HUNK: variants seen among roughly 807,000 people sequenced by gnomAD.
HUNK encodes the protein hormonally up-regulated Neu-associated kinase.
In HUNK, 21 loss-of-function variants were observed where a neutral mutation model predicts 61.0. The ratio of observed to expected loss-of-function variants is 0.34; its 90% CI spans 0.24 to 0.50. The LOEUF (loss-of-function observed/expected upper bound fraction) is 0.50, where lower values mean the gene tolerates loss of function less well. Among genes scored for constraint, HUNK ranks in the 20% least tolerant of loss-of-function variants. HUNK has a pLI of 0.98. For missense variants in HUNK, 772 were observed against 945.7 expected, an observed-to-expected ratio of 0.82 and a Z score of 2.41; for synonymous variants, 371 against 386.1, an observed-to-expected ratio of 0.96 and a Z score of 0.46.
chr21:31,911,317 C>T (rs2052544138), intron 1 of HUNK, among the ~76,000 whole-genome samples: 1 of 152,094 alleles, frequency 6.6e-6, no homozygotes, highest in African/African-American at 2.4e-5. Flanking sequence ...AACAAATAGC[C>T]TCGGGGCACA....
chr21:32,001,118 C>CA lies in HUNK; in HGVS notation c.*1943dup, dbSNP rs11446165. ...GAAAGCCCGTCTCTACCGAAAAATA[C>CA]AAAAAAAAATAGCTGGGTGTGGTGG... On this transcript the variant is annotated 3_prime_UTR_variant, in exon 11 of 11. Transcript: ENST00000270112. 63,921 of 152,754 alleles carry CA rather than the reference C, an allele frequency of 0.42. 13,738 individuals are homozygous for CA. The highest frequency in any genetic ancestry group is 0.51 in the African/African-American group (20,879 of 40,722). 9.5% of individuals were successfully genotyped at this position (152,754 alleles called of 1,614,324 possible).
At chr21:31,991,214 C>CA (rs1020945000) in intron 9 of HUNK, among the ~76,000 whole-genome samples, 1 of 151,952 alleles carries the variant, frequency 6.6e-6, no homozygotes, top group African/African-American at 2.4e-5. Context: ...AATTTATGAA[C>CA]AAAACCCCAC....
intron 1 of HUNK, among the ~76,000 whole-genome samples, chr21:31,897,962 G>T (rs910413366): frequency 2.0e-5 from 3 of 152,168 alleles, no homozygotes; most frequent in Non-Finnish European, 4.4e-5. Context: ...TTGGGCTTAT[G>T]GTTCATTGGC....
chr21:31,958,537 G>A (rs921639189), intron 4 of HUNK, among the ~76,000 whole-genome samples: 8 of 152,048 alleles, frequency 5.3e-5, no homozygotes, highest in African/African-American at 1.7e-4. Context: ...GCACAGCAGC[G>A]AGATAGTGGT....
chr21:31,953,312 A>G lies in HUNK; in HGVS notation c.747-5531A>G, dbSNP rs536933842. On this transcript the variant is annotated intron_variant, in intron 4 of 10. Transcript: ENST00000270112. ...GGCAATGGCGCAATCTCTGCTTACC[A>G]CAACCTCCAACTCCCGGGTTCAAGA... 8.1e-5 allele frequency among the ~76,000 whole-genome samples: 12 copies of G among 148,390 alleles called. No homozygotes were observed. The East Asian group carries it at 2.4e-3, about 30-fold the overall frequency.
rs779221441 is a variant in HUNK at position 31,995,872 on chromosome 21, G to A, written c.1410G>A (p.Ser470=). 7.4e-6 allele frequency: 12 copies of A among 1,614,012 alleles called. No individual in the cohort carries two copies. Among genetic ancestry groups the A allele is most frequent in the East Asian group, 2.2e-5 (1 of 44,878 alleles). Residue 470 remains serine (S), a synonymous_variant, in exon 10 of 11, where the codon TCG becomes TCA. Coordinates refer to ENST00000270112, the MANE Select transcript of HUNK (RefSeq NM_014586.2). ...CCTCGCACAAACAGCCCTCAGGCTCGCTTATGACACAGATTCAGAACACCA... is the reference window on the plus strand; with the variant it reads ...CCTCGCACAAACAGCCCTCAGGCTCACTTATGACACAGATTCAGAACACCA... ...NLPSHKQPSG[S]LMTQIQNTKA... is the part of the protein sequence containing the mutation.
chr21:31,914,397 A>T (rs1039369496), intron 1 of HUNK, among the ~76,000 whole-genome samples: 8 of 119,608 alleles, frequency 6.7e-5, no homozygotes, highest in South Asian at 3.2e-4. Context: ...AACAAGAGTG[A>T]AACTCTGTCT....
chr21:31,888,646 A>G (rs1433974789), intron 1 of HUNK, among the ~76,000 whole-genome samples: 1 of 152,196 alleles, frequency 6.6e-6, no homozygotes, highest in Non-Finnish European at 1.5e-5. Context: ...AGGCTGAGGC[A>G]GGAGAATCGC....
chr21:31,876,642 G>A (rs116792491), intron 1 of HUNK, among the ~76,000 whole-genome samples: 4,838 of 152,158 alleles, frequency 0.032, 281 homozygotes, highest in African/African-American at 0.11. Flanking sequence ...ATTTTGGCCT[G>A]GGGAAAGTTT....
At chr21:31,959,074 A>G in intron 5 of HUNK, 104 bp downstream of exon 5, 1 of 1,174,568 alleles carries the variant, frequency 8.5e-7, no homozygotes, top group Non-Finnish European at 1.1e-6. Flanking sequence ...TGTTATGTCT[A>G]TCCCATGGTT....
At chr21:31,997,463 G>T (rs2053213669) in intron 10 of HUNK, among the ~76,000 whole-genome samples, 1 of 152,202 alleles carries the variant, frequency 6.6e-6, no homozygotes, top group Non-Finnish European at 1.5e-5. Flanking sequence ...AGGACATTAT[G>T]CTAAGTGAAT....
At chr21:31,911,935 GTCA>G (rs2052548551) in intron 1 of HUNK, among the ~76,000 whole-genome samples, 2 of 134 alleles carry the variant, frequency 0.015, no homozygotes, top group African/African-American at 0.045. Context: ...AGGGACGATA[GTCA>G]CTGCCTTGGG....
intron 1 of HUNK, among the ~76,000 whole-genome samples, chr21:31,876,106 T>C (rs964596811): frequency 4.6e-5 from 7 of 152,222 alleles, no homozygotes; most frequent in African/African-American, 1.7e-4. Flanking sequence ...TCCCATCTTA[T>C]GTTTCTTAAA....
intron 1 of HUNK, among the ~76,000 whole-genome samples, chr21:31,914,810 C>T (rs2052570811): frequency 6.6e-6 from 1 of 152,170 alleles, no homozygotes; most frequent in African/African-American, 2.4e-5. Flanking sequence ...TAGAGCCCCA[C>T]TCTAATGACC....
At position 31,933,279 on chromosome 21, in the gene HUNK, G is replaced by A. The variant is rs377291337; in HGVS notation, c.555-6886G>A. Among the ~76,000 whole-genome samples, 30 of 152,192 alleles carry A rather than the reference G, an allele frequency of 2.0e-4. No individual in the cohort carries two copies. In the East Asian group the frequency reaches 2.5e-3, roughly 13 times the overall value. On this transcript the variant is annotated intron_variant, in intron 2 of 10. Coordinates refer to ENST00000270112, the MANE Select transcript of HUNK (RefSeq NM_014586.2). ...TGCTTCTCCTAGCTCCTCTTTGAAG[G>A]CCCATTGGCCAAGAAAAAGCAACTT...
intron 6 of HUNK, 146 bp downstream of exon 6, chr21:31,968,531 C>T: frequency 2.3e-6 from 2 of 870,686 alleles, no homozygotes; most frequent in Non-Finnish European, 3.5e-6. Context: ...AACACCCACA[C>T]CCACACATCC....
chr21:32,001,302 G>A lies in HUNK; in HGVS notation c.*2118G>A, dbSNP rs2053244472. ...AAAAAAAGAAAATAGAGCTTTATAA[G>A]CAGAGAGAAGAAAATAATCATCTAA... On this transcript the variant is annotated 3_prime_UTR_variant, in exon 11 of 11. Coordinates refer to ENST00000270112, the MANE Select transcript of HUNK (RefSeq NM_014586.2). The A allele has an allele frequency of 6.6e-6, 1 of 151,916 alleles. No individual in the cohort carries two copies. The highest frequency in any genetic ancestry group is 1.5e-5 in the Non-Finnish European group (1 of 67,938). 9.4% of individuals were successfully genotyped at this position (151,916 alleles called of 1,614,324 possible).
chr21:31,955,078 C>A (rs2052879033), intron 4 of HUNK, among the ~76,000 whole-genome samples: 1 of 152,062 alleles, frequency 6.6e-6, no homozygotes, highest in Admixed American at 6.6e-5. Flanking sequence ...TGAGCCATTG[C>A]GCCTGGCTGA....
intron 1 of HUNK, among the ~76,000 whole-genome samples, chr21:31,904,907 AAACCC>A (rs1185165253): frequency 6.6e-6 from 1 of 152,106 alleles, no homozygotes; most frequent in Non-Finnish European, 1.5e-5. Flanking sequence ...GCCTGGCCTC[AAACCC>A]TGTCTGTACT....
Sources: gnomAD v4.1 joint callset for allele counts (sites outside exome capture counted in the v4.1 genomes callset) on GRCh38, gnomAD v4.1.1 for gene constraint, MANE v1.5 for transcripts, NCBI Gene and HGNC (gene_info 2026-07-23, HGNC 2026-07-21) for gene names.